Variants in MAN1A1 observed in about 807,000 individuals in gnomAD.
The protein encoded by MAN1A1 is mannosyl-oligosaccharide 1,2-alpha-mannosidase IA.
A neutral mutation model predicts 70.8 loss-of-function variants in MAN1A1; 29 were observed. That is an observed-to-expected ratio of 0.41 (90% CI 0.31 to 0.56). MAN1A1 has a LOEUF of 0.56. Ranked by LOEUF, MAN1A1 falls within the 20% of genes least tolerant of loss-of-function variation. The pLI is 0.29. For missense variants in MAN1A1, 747 were observed against 841.3 expected (o/e 0.89, Z 1.39); for synonymous variants, 349 against 330.1 (o/e 1.06, Z -0.62).
At chr6:119,222,774 C>CTTCTATATAGGTT in intron 6 of MAN1A1, among the ~76,000 whole-genome samples, 1 of 152,182 alleles carries the variant, frequency 6.6e-6, no homozygotes, top group Non-Finnish European at 1.5e-5. Context: ...TATATAATCA[C>CTTCTATATAGGTT]AGCTGAAATC....
At chr6:119,282,545 T>C (rs1422323910) in intron 5 of MAN1A1, among the ~76,000 whole-genome samples, 2 of 152,206 alleles carry the variant, frequency 1.3e-5, no homozygotes, top group Non-Finnish European at 2.9e-5. Flanking sequence ...CATGGAAATT[T>C]AATTATAAAC....
chr6:119,288,164 T>A (rs1305315418), intron 5 of MAN1A1, among the ~76,000 whole-genome samples: 1 of 151,964 alleles, frequency 6.6e-6, no homozygotes, highest in Non-Finnish European at 1.5e-5. Context: ...CAGTAGTACT[T>A]CTTCTCCTGC....
At chr6:119,315,698 G>C (rs1410889793) in intron 2 of MAN1A1, among the ~76,000 whole-genome samples, 6 of 152,216 alleles carry the variant, frequency 3.9e-5, no homozygotes, top group Admixed American at 3.9e-4. Flanking sequence ...TTAGAGGTCA[G>C]AAAAGGGCTT....
chr6:119,323,506 G>A lies in MAN1A1; in HGVS notation c.604-16514C>T, dbSNP rs2114480165. On this transcript the variant is annotated intron_variant, in intron 2 of 12. Coordinates refer to ENST00000368468, the MANE Select transcript of MAN1A1 (RefSeq NM_005907.4). ...CTTAGTTGATGCCCAACATATCAGT[G>A]TTCTGCTTAATCTTAATGATGAACA... Among the ~76,000 whole-genome samples the A allele has an allele frequency of 2.0e-5, 3 of 152,098 alleles. 1 individual carries two copies. In the South Asian group the frequency reaches 6.2e-4, roughly 32 times the overall value.
At chr6:119,227,951 C>T (rs1194573238) in intron 6 of MAN1A1, among the ~76,000 whole-genome samples, 2 of 152,102 alleles carry the variant, frequency 1.3e-5, no homozygotes, top group Non-Finnish European at 1.5e-5. Context: ...TAGAGAAATA[C>T]ATCTGCAATA....
chr6:119,258,698 C>T (rs1775525704), intron 5 of MAN1A1, among the ~76,000 whole-genome samples: 1 of 152,086 alleles, frequency 6.6e-6, no homozygotes, highest in Non-Finnish European at 1.5e-5. Context: ...GTTAACTGAA[C>T]CTCATCTCTG....
chr6:119,317,048 C>T (rs541887297), intron 2 of MAN1A1, among the ~76,000 whole-genome samples: 2 of 150,216 alleles, frequency 1.3e-5, no homozygotes, highest in East Asian at 2.0e-4. Flanking sequence ...TCCCTTTTAT[C>T]CTTTCTTTTG....
At chr6:119,335,650 G>A (rs1449355654) in intron 2 of MAN1A1, among the ~76,000 whole-genome samples, 1 of 152,174 alleles carries the variant, frequency 6.6e-6, no homozygotes. Context: ...TCAATAACAT[G>A]GGAATTTGGA....
At chr6:119,305,030 T>C (rs1186400057) in intron 3 of MAN1A1, among the ~76,000 whole-genome samples, 1 of 152,314 alleles carries the variant, frequency 6.6e-6, no homozygotes, top group East Asian at 1.9e-4. Flanking sequence ...AAAATCATTA[T>C]GTATCTTATT....
At chr6:119,238,690 A>G (rs990655458) in intron 6 of MAN1A1, among the ~76,000 whole-genome samples, 3 of 152,174 alleles carry the variant, frequency 2.0e-5, no homozygotes, top group Admixed American at 6.5e-5. Context: ...AGGTACATTA[A>G]ACTCTCAGTA....
rs1773853099 is a variant in MAN1A1 at position 119,349,751 on chromosome 6, C to A, written c.-432G>T. 1.0e-6 allele frequency: 1 copy of A among 985,412 alleles called. No homozygotes were observed. The highest frequency in any genetic ancestry group is 1.7e-5 in the African/African-American group (1 of 57,242). The allele number at this position is 985,412 out of a possible 1,614,324, so 61.0% of individuals were successfully genotyped here. On this transcript the variant is annotated 5_prime_UTR_variant, in exon 1 of 13. Coordinates refer to ENST00000368468, the MANE Select transcript of MAN1A1 (RefSeq NM_005907.4). Reference sequence around the variant, plus strand: ...CAGCACGGTACACTCCGCCGCGGCCCCGCGAGCACTAATCTCACTGCCGGT... The same window carrying A: ...CAGCACGGTACACTCCGCCGCGGCCACGCGAGCACTAATCTCACTGCCGGT...
intron 6 of MAN1A1, among the ~76,000 whole-genome samples, chr6:119,212,748 T>C (rs1433609135): frequency 1.3e-5 from 2 of 152,194 alleles, no homozygotes; most frequent in Non-Finnish European, 2.9e-5. Context: ...TAAACTGAAC[T>C]TCATCTGACT....
intron 6 of MAN1A1, among the ~76,000 whole-genome samples, chr6:119,237,571 T>C (rs1347984455): frequency 1.3e-5 from 2 of 152,148 alleles, no homozygotes; most frequent in East Asian, 3.8e-4. Flanking sequence ...TCTCCCTCTC[T>C]GGCTAAGGTC....
intron 8 of MAN1A1, among the ~76,000 whole-genome samples, chr6:119,200,902 C>G (rs1773696288): frequency 6.6e-6 from 1 of 152,208 alleles, no homozygotes; most frequent in Non-Finnish European, 1.5e-5. Flanking sequence ...TCTACCTACT[C>G]TCTATAAAAC....
intron 5 of MAN1A1, among the ~76,000 whole-genome samples, chr6:119,287,605 A>G (rs912127073): frequency 9.9e-5 from 15 of 152,052 alleles, no homozygotes; most frequent in Admixed American, 3.3e-4. Context: ...AGGATAAATA[A>G]AAGTTAATTC....
intron 2 of MAN1A1, among the ~76,000 whole-genome samples, chr6:119,338,215 T>C (rs114867676): frequency 0.012 from 1,796 of 152,262 alleles, 33 homozygotes; most frequent in African/African-American, 0.04. Context: ...CAAATTTAAA[T>C]AGTTCTGGCG....
chr6:119,326,271 G>A (rs955081896), intron 2 of MAN1A1, among the ~76,000 whole-genome samples: 4 of 152,204 alleles, frequency 2.6e-5, no homozygotes, highest in African/African-American at 7.2e-5. Flanking sequence ...TAAGCAGGCC[G>A]AGCTGTGTCC....
chr6:119,248,471 A>C (rs1473110875), intron 5 of MAN1A1, 117 bp from the exon 6 acceptor site: 1 of 632,836 alleles, frequency 1.6e-6, no homozygotes, highest in Non-Finnish European at 2.8e-6. Context: ...TCTACTTTTA[A>C]TATCTGACAA....
chr6:119,349,095 C>G lies in MAN1A1; in HGVS notation c.-30G>C. On this transcript the variant is annotated 5_prime_UTR_variant, in exon 2 of 13. Transcript: ENST00000368468. ...CCCGCTGTCCAGTGGTCCGGCGCCG[C>G]GCCGCTCAGCAGCCAAACTTCGCCG... The G allele has an allele frequency of 1.6e-6, 2 of 1,268,438 alleles. No homozygotes were observed. The highest frequency in any genetic ancestry group is 2.0e-6 in the Non-Finnish European group (2 of 1,007,410). The allele number at this position is 1,268,438 out of a possible 1,614,324, so 78.6% of individuals were successfully genotyped here.
Sources: gnomAD v4.1 joint callset for allele counts (sites outside exome capture counted in the v4.1 genomes callset) on GRCh38, gnomAD v4.1.1 for gene constraint, MANE v1.5 for transcripts, NCBI Gene and HGNC (gene_info 2026-07-23, HGNC 2026-07-21) for gene names.